The following RBFOX1 variants were observed in gnomAD, a reference collection of about 807,000 sequenced individuals.
RBFOX1 encodes RNA binding fox-1 homolog 1.
RBFOX1 carries 8 observed loss-of-function variants against 57.7 expected under a neutral mutation model. The observed-to-expected ratio is 0.14, with a 90% CI of 0.08 to 0.25. The LOEUF is 0.25. Ranked by LOEUF, RBFOX1 falls within the 10% of genes least tolerant of loss-of-function variation. RBFOX1 has a pLI of 1.00. For synonymous variants in RBFOX1, 326 were observed against 222.4 expected, an observed-to-expected ratio of 1.47 and a Z score of -4.15; for missense variants, 611 against 548.5, an observed-to-expected ratio of 1.11 and a Z score of -1.14.
chr16:7,417,242 G>T (rs577128301), intron 4 of RBFOX1, among the ~76,000 whole-genome samples: 2 of 151,824 alleles, frequency 1.3e-5, no homozygotes, highest in African/African-American at 4.8e-5. Flanking sequence ...GCGTGGTGGT[G>T]TGTGCCTGTA....
chr16:6,029,836 C>A (rs1179045727), intron 1 of RBFOX1, among the ~76,000 whole-genome samples: 3 of 149,414 alleles, frequency 2.0e-5, no homozygotes, highest in Admixed American at 2.0e-4. Flanking sequence ...GGGATAAGAA[C>A]CAAGAACTTC....
chr16:5,880,625 G>C (rs1567663834), intron 4 of RBFOX1, among the ~76,000 whole-genome samples: 1 of 152,154 alleles, frequency 6.6e-6, no homozygotes. Context: ...TCACTGATGG[G>C]TGTCTGGACT....
chr16:5,345,205 C>G (rs989438765), intron 1 of RBFOX1, among the ~76,000 whole-genome samples: 2 of 152,322 alleles, frequency 1.3e-5, no homozygotes, highest in East Asian at 3.9e-4. Context: ...CAGTCCCTTT[C>G]TTTAGTTCTC....
intron 3 of RBFOX1, among the ~76,000 whole-genome samples, chr16:6,943,708 TA>T (rs35455385): frequency 0.14 from 19,281 of 133,926 alleles, 1,447 homozygotes; most frequent in Middle Eastern, 0.28. Flanking sequence ...ACTCTGTCTT[TA>T]AAAAAAAAAA....
At chr16:5,262,579 C>G (rs187762436) in intron 1 of RBFOX1, among the ~76,000 whole-genome samples, 3 of 152,284 alleles carry the variant, frequency 2.0e-5, no homozygotes, top group Non-Finnish European at 4.4e-5. Context: ...GCCTCCATAA[C>G]CATGTGAGCC....
intron 4 of RBFOX1, among the ~76,000 whole-genome samples, chr16:5,966,575 C>T (rs1166141340): frequency 1.3e-5 from 2 of 152,204 alleles, no homozygotes; most frequent in Non-Finnish European, 2.9e-5. Flanking sequence ...CTGCCTCAGC[C>T]TCCCAAGTAG....
chr16:6,655,490 A>G (rs977286700), intron 3 of RBFOX1, among the ~76,000 whole-genome samples: 8 of 150,798 alleles, frequency 5.3e-5, no homozygotes, highest in African/African-American at 1.7e-4. Context: ...GTAGGGGGCA[A>G]TGCCATTTTC....
At chr16:7,161,693 A>G (rs571918505) in intron 4 of RBFOX1, among the ~76,000 whole-genome samples, 1 of 152,188 alleles carries the variant, frequency 6.6e-6, no homozygotes, top group East Asian at 1.9e-4. Context: ...GAGTTTTTCT[A>G]GTGAGGGTTT....
intron 4 of RBFOX1, among the ~76,000 whole-genome samples, chr16:7,232,427 G>A (rs976708349): frequency 6.6e-6 from 1 of 152,168 alleles, no homozygotes; most frequent in Admixed American, 6.5e-5. Context: ...AATATTTATA[G>A]GGGACCAGGT....
intron 4 of RBFOX1, among the ~76,000 whole-genome samples, chr16:7,371,232 A>C (rs1290302803): frequency 6.6e-6 from 1 of 152,218 alleles, no homozygotes; most frequent in East Asian, 1.9e-4. Context: ...TATGTGTCCC[A>C]GGAAGAATCA....
At chr16:7,262,671 G>A (rs578225352) in intron 4 of RBFOX1, among the ~76,000 whole-genome samples, 3 of 152,228 alleles carry the variant, frequency 2.0e-5, no homozygotes, top group Non-Finnish European at 4.4e-5. Context: ...ATCTATCAAG[G>A]AGGGCGTGGA....
At chr16:7,700,167 G>T (rs17768064) in intron 14 of RBFOX1, among the ~76,000 whole-genome samples, 3 of 152,032 alleles carry the variant, frequency 2.0e-5, no homozygotes, top group Non-Finnish European at 4.4e-5. Flanking sequence ...GGGTAGCTCT[G>T]ACACATGTAC....
chr16:6,352,231 T>C (rs143519342), intron 2 of RBFOX1, among the ~76,000 whole-genome samples: 51 of 152,326 alleles, frequency 3.3e-4, no homozygotes, highest in Non-Finnish European at 5.7e-4. Flanking sequence ...TGGAATGTTG[T>C]GTATTAACTT....
chr16:6,559,298 C>T (rs955611604), intron 2 of RBFOX1, among the ~76,000 whole-genome samples: 3 of 152,074 alleles, frequency 2.0e-5, no homozygotes, highest in Admixed American at 1.3e-4. Context: ...TTCATTCTCT[C>T]AGTCTATTTC....
At chr16:5,303,241 G>T (rs959429465) in intron 1 of RBFOX1, among the ~76,000 whole-genome samples, 1 of 152,148 alleles carries the variant, frequency 6.6e-6, no homozygotes, top group Non-Finnish European at 1.5e-5. Flanking sequence ...GTGTTGATGG[G>T]TCCCTATAGC....
At chr16:6,385,157 T>C (rs2092158427) in intron 2 of RBFOX1, among the ~76,000 whole-genome samples, 1 of 152,196 alleles carries the variant, frequency 6.6e-6, no homozygotes, top group Admixed American at 6.5e-5. Flanking sequence ...CATGGGAAGA[T>C]GCTCTCAGTG....
intron 2 of RBFOX1, among the ~76,000 whole-genome samples, chr16:6,356,708 G>T (rs1014861462): frequency 6.6e-6 from 1 of 152,134 alleles, no homozygotes; most frequent in Non-Finnish European, 1.5e-5. Context: ...TGGAATCCTG[G>T]AACAGGAAAA....
In RBFOX1 at chr16:6,388,678, T is replaced by C. The variant is rs373377468; in HGVS notation, c.-64+71621T>C. On this transcript the variant is annotated intron_variant, in intron 2 of 15. Transcript: ENST00000550418. The stretch of plus-strand genomic sequence containing the variant: ...TTGCTTGAACCTAGGAGTTTGAGGC[T>C]GCAGGGAGCTATGATTGTGTCACTG... 3.3e-5 allele frequency among the ~76,000 whole-genome samples: 5 copies of C among 152,254 alleles called. 1 individual carries two copies. The highest frequency in any genetic ancestry group is 1.2e-4 in the African/African-American group (5 of 41,564).
At chr16:5,454,536 T>A (rs1307515359) in intron 1 of RBFOX1, among the ~76,000 whole-genome samples, 1 of 152,190 alleles carries the variant, frequency 6.6e-6, no homozygotes, top group East Asian at 1.9e-4. Flanking sequence ...GTGGGCTGTA[T>A]CCAATCAGTT....
Sources: allele counts gnomAD v4.1 joint callset (sites outside exome capture counted in the v4.1 genomes callset), GRCh38; gene constraint gnomAD v4.1.1; transcripts MANE v1.5; gene names NCBI Gene and HGNC (gene_info 2026-07-23, HGNC 2026-07-21).